Variants in SCN11A observed in about 807,000 individuals in gnomAD.
SCN11A encodes sodium channel protein type 11 subunit alpha.
A neutral mutation model predicts 162.2 loss-of-function variants in SCN11A; 122 were observed. That is an observed-to-expected ratio of 0.75 (90% CI 0.65 to 0.87). The LOEUF (loss-of-function observed/expected upper bound fraction) is 0.87, where lower values mean the gene tolerates loss of function less well. Ranked by LOEUF, SCN11A falls within the 40% of genes least tolerant of loss-of-function variation. The pLI is 0.00. For synonymous variants in SCN11A, 758 were observed against 751.5 expected, an observed-to-expected ratio of 1.01 and a Z score of -0.14; for missense variants, 2,015 against 2,181.6, an observed-to-expected ratio of 0.92 and a Z score of 1.52.
intron 2 of SCN11A, among the ~76,000 whole-genome samples, chr3:39,024,629 TCTAC>T (rs930120691): frequency 5.9e-5 from 9 of 152,210 alleles, no homozygotes; most frequent in African/African-American, 9.7e-5. Context: ...TAACTTTTCC[TCTAC>T]CTTTCTGTGT....
chr3:39,023,906 G>A (rs1056676353), intron 2 of SCN11A, among the ~76,000 whole-genome samples: 5 of 152,126 alleles, frequency 3.3e-5, no homozygotes, highest in Non-Finnish European at 7.4e-5. Flanking sequence ...GCCTCCCAAA[G>A]TGCTAGGATT....
intron 19 of SCN11A, among the ~76,000 whole-genome samples, chr3:38,889,842 TA>T (rs1379731910): frequency 4.4e-5 from 6 of 135,812 alleles, no homozygotes; most frequent in Non-Finnish European, 9.5e-5. Context: ...TAAAATAAAA[TA>T]AAATAAAATA....
chr3:39,032,780 T>C (rs987317781), intron 1 of SCN11A, among the ~76,000 whole-genome samples: 1 of 152,158 alleles, frequency 6.6e-6, no homozygotes, highest in African/African-American at 2.4e-5. Context: ...TATGCTAAGA[T>C]CATCTCATTT....
chr3:39,031,033 T>C (rs1379765911), intron 2 of SCN11A, among the ~76,000 whole-genome samples: 3 of 152,194 alleles, frequency 2.0e-5, no homozygotes, highest in Admixed American at 2.0e-4. Context: ...GGTCAAAGCA[T>C]TTTTGAAATG....
chr3:38,980,815 C>T (rs903805607), intron 2 of SCN11A, among the ~76,000 whole-genome samples: 3 of 152,248 alleles, frequency 2.0e-5, no homozygotes, highest in Middle Eastern at 3.4e-3. Context: ...CAGCTTTTCC[C>T]CAACATCATG....
chr3:38,932,352 A>G (rs2066254446), intron 7 of SCN11A, among the ~76,000 whole-genome samples: 1 of 152,158 alleles, frequency 6.6e-6, no homozygotes, highest in Admixed American at 6.5e-5. Context: ...CTCACTAGGG[A>G]GTGCCAGACA....
At chr3:38,900,890 TA>T (rs1247410881) in intron 16 of SCN11A, among the ~76,000 whole-genome samples, 2 of 152,184 alleles carry the variant, frequency 1.3e-5, no homozygotes, top group African/African-American at 2.4e-5. Flanking sequence ...AAGAAATATG[TA>T]AAAATGTTGA....
Position 38,950,305 on chromosome 3 carries a change from T to G in SCN11A, c.58A>C (p.Thr20Pro), listed in dbSNP as rs750104113. 1.2e-6 allele frequency: 2 copies of G among 1,613,898 alleles called. No individual in the cohort carries two copies. Among genetic ancestry groups the G allele is most frequent in the Non-Finnish European group, 8.5e-7 (1 of 1,179,952 alleles). Residue 20 changes from threonine (T) to proline (P), a missense_variant, in exon 5 of 30, where the codon ACT becomes CCT. By Grantham distance (38) the Thr-to-Pro change is conservative. Coordinates refer to ENST00000302328, the MANE Select transcript of SCN11A (RefSeq NM_001349253.2). ...FPDERNFRPF[T>P]SDSLAAIEKR... is the part of the protein sequence containing the mutation. ...TCAATTGCAGCCAGAGAGTCGGAAG[T>G]GAAGGGGCGGAAATTCCGCTCATCT...
At chr3:38,883,102 G>T in intron 22 of SCN11A, 131 bp downstream of exon 22, 1 of 743,890 alleles carries the variant, frequency 1.3e-6, no homozygotes, top group East Asian at 2.6e-5. Context: ...TGCCCACTGC[G>T]GGAACCAGCA....
chr3:38,858,225 T>C (rs1330377027), intron 28 of SCN11A, among the ~76,000 whole-genome samples: 1 of 151,974 alleles, frequency 6.6e-6, no homozygotes, highest in Non-Finnish European at 1.5e-5. Context: ...TTAAAAGACA[T>C]AGAATTGTAG....
chr3:38,970,644 G>T (rs2066811048), intron 2 of SCN11A, among the ~76,000 whole-genome samples: 1 of 152,190 alleles, frequency 6.6e-6, no homozygotes, highest in South Asian at 2.1e-4. Flanking sequence ...CAGGGTCCCT[G>T]CTTAGCTCAC....
intron 2 of SCN11A, among the ~76,000 whole-genome samples, chr3:38,989,011 T>C (rs1012258474): frequency 1.3e-5 from 2 of 152,198 alleles, no homozygotes; most frequent in Non-Finnish European, 2.9e-5. Context: ...CTCTTGAGTC[T>C]GGGCAGGTTT....
chr3:38,980,069 A>G (rs1481925216), intron 2 of SCN11A, among the ~76,000 whole-genome samples: 1 of 152,194 alleles, frequency 6.6e-6, no homozygotes, highest in Non-Finnish European at 1.5e-5. Context: ...GGGACCAGGC[A>G]GAAGGAGAAC....
rs775942010 is a variant in SCN11A at position 38,950,274 on chromosome 3, C to T, written c.89G>A (p.Arg30Gln). 15 of 1,613,898 alleles carry T rather than the reference C, an allele frequency of 9.3e-6. No homozygotes were observed. The East Asian group carries it at 1.6e-4, about 17-fold the overall frequency. Residue 30 changes from arginine to glutamine, a missense_variant, in exon 5 of 30, where the codon CGG becomes CAG. Physicochemically the swap from Arg to Gln is conservative, Grantham distance 43. Transcript: ENST00000302328. The stretch of plus-strand genomic sequence containing the variant: ...CTTTTTCTCCTTTTGGATGGCAATC[C>T]GCTTCTCAATTGCAGCCAGAGAGTC... The part of the protein sequence containing the change: ...TSDSLAAIEK[R>Q]IAIQKEKKKS...
intron 2 of SCN11A, among the ~76,000 whole-genome samples, chr3:38,987,601 T>C (rs1327462040): frequency 6.7e-6 from 1 of 148,544 alleles, no homozygotes; most frequent in African/African-American, 2.5e-5. Context: ...CATTTGCCCA[T>C]GTGACCTGAA....
intron 28 of SCN11A, among the ~76,000 whole-genome samples, chr3:38,856,866 T>C (rs2064878272): frequency 6.6e-6 from 1 of 152,150 alleles, no homozygotes; most frequent in Non-Finnish European, 1.5e-5. Flanking sequence ...GGAAAGCCAG[T>C]GCACAATGAC....
chr3:38,954,555 T>C (rs2066658594), intron 3 of SCN11A, among the ~76,000 whole-genome samples: 1 of 151,978 alleles, frequency 6.6e-6, no homozygotes, highest in Non-Finnish European at 1.5e-5. Flanking sequence ...AGAAACTTGC[T>C]AAAAATAAAT....
intron 2 of SCN11A, among the ~76,000 whole-genome samples, chr3:38,965,650 C>G (rs1056866625): frequency 1.3e-5 from 2 of 152,222 alleles, no homozygotes; most frequent in Admixed American, 1.3e-4. Flanking sequence ...TTTCTTCTCA[C>G]GCATTTCCCA....
intron 9 of SCN11A, among the ~76,000 whole-genome samples, chr3:38,922,432 T>C (rs1022755397): frequency 2.6e-5 from 4 of 152,240 alleles, no homozygotes; most frequent in African/African-American, 7.2e-5. Flanking sequence ...CATTTTTTAA[T>C]AGTCTCATAA....
Sources: gnomAD v4.1 joint callset for allele counts (sites outside exome capture counted in the v4.1 genomes callset) on GRCh38, gnomAD v4.1.1 for gene constraint, MANE v1.5 for transcripts, NCBI Gene and HGNC (gene_info 2026-07-23, HGNC 2026-07-21) for gene names.